The following CNTN5 variants were observed in gnomAD, a reference collection of about 807,000 sequenced individuals.
CNTN5 encodes the protein contactin 5.
Under a neutral mutation model 129.1 loss-of-function variants are expected in CNTN5, and 77 were observed. That is an observed-to-expected ratio of 0.60 (90% confidence interval 0.50 to 0.72). The LOEUF (loss-of-function observed/expected upper bound fraction) is 0.72. Among genes scored for constraint, CNTN5 ranks in the 30% least tolerant of loss-of-function variants. The pLI is 0.00. For missense variants in CNTN5, 1,478 were observed against 1,328.8 expected, an observed-to-expected ratio of 1.11 and a Z score of -1.75; for synonymous variants, 509 against 465.6, an observed-to-expected ratio of 1.09 and a Z score of -1.20.
intron 9 of CNTN5, among the ~76,000 whole-genome samples, chr11:100,051,461 C>A (rs1385151685): frequency 1.3e-5 from 2 of 151,774 alleles, no homozygotes; most frequent in Non-Finnish European, 2.9e-5. Flanking sequence ...AATGAAAACA[C>A]AACATGTGTG....
chr11:99,110,006 C>A (rs1476287102), intron 1 of CNTN5, among the ~76,000 whole-genome samples: 1 of 152,058 alleles, frequency 6.6e-6, no homozygotes, highest in Non-Finnish European at 1.5e-5. Flanking sequence ...CCTGTCATCT[C>A]AGAATTCATA....
chr11:100,299,442 T>C, intron 20 of CNTN5, 46 bp downstream of exon 20: 2 of 1,257,692 alleles, frequency 1.6e-6, no homozygotes, highest in Non-Finnish European at 2.2e-6. Flanking sequence ...TTTTACTTTG[T>C]TATACAAATA....
chr11:99,803,805 C>T (rs370331728), intron 3 of CNTN5, among the ~76,000 whole-genome samples: 13 of 152,194 alleles, frequency 8.5e-5, no homozygotes, highest in East Asian at 1.9e-4. Context: ...AGCTACGTCC[C>T]GTTACAGTGC....
rs1944483555 is a variant in CNTN5 at position 99,758,744 on chromosome 11, G to T, written c.56-60800G>T. ...TATATTGGGGAAAGAACAGAAGACA[G>T]GATAAGGAATTTTGAGGAAGAGGAA... On this transcript the variant is annotated intron_variant, in intron 3 of 24. Coordinates refer to ENST00000524871, the MANE Select transcript of CNTN5 (RefSeq NM_014361.4). Among the ~76,000 whole-genome samples the T allele has an allele frequency of 1.3e-5, 2 of 152,050 alleles. 1 individual carries two copies. Among genetic ancestry groups the T allele is most frequent in the Non-Finnish European group, 2.9e-5 (2 of 67,924 alleles).
intron 15 of CNTN5, among the ~76,000 whole-genome samples, chr11:100,223,294 A>G (rs779608915): frequency 2.0e-5 from 3 of 152,156 alleles, no homozygotes; most frequent in Non-Finnish European, 2.9e-5. Context: ...TCAGATTATA[A>G]GACTAACAGG....
At chr11:99,557,613 T>A (rs1262736976) in intron 3 of CNTN5, among the ~76,000 whole-genome samples, 1 of 151,576 alleles carries the variant, frequency 6.6e-6, no homozygotes, top group Non-Finnish European at 1.5e-5. Context: ...CTATATTTTT[T>A]AAATTATAAT....
intron 3 of CNTN5, among the ~76,000 whole-genome samples, chr11:99,672,449 TC>T (rs1432538976): frequency 6.6e-6 from 1 of 151,828 alleles, no homozygotes; most frequent in Non-Finnish European, 1.5e-5. Context: ...GCTTTAGCAA[TC>T]CCCTTAGAGA....
At chr11:99,463,524 T>C (rs1305583186) in intron 2 of CNTN5, among the ~76,000 whole-genome samples, 1 of 149,966 alleles carries the variant, frequency 6.7e-6, no homozygotes, top group Non-Finnish European at 1.5e-5. Context: ...ACTTAAAAAA[T>C]GTCTGCTATT....
intron 7 of CNTN5, among the ~76,000 whole-genome samples, chr11:99,924,206 T>G (rs1295384707): frequency 6.6e-6 from 1 of 152,242 alleles, no homozygotes; most frequent in Non-Finnish European, 1.5e-5. Flanking sequence ...CATTTTTACA[T>G]GGTTGCTGGC....
chr11:99,454,207 A>C (rs1409203567), intron 2 of CNTN5, among the ~76,000 whole-genome samples: 4 of 152,206 alleles, frequency 2.6e-5, no homozygotes, highest in Non-Finnish European at 5.9e-5. Flanking sequence ...GGAGAAAAAC[A>C]AAAGTTGAAT....
chr11:99,679,825 C>T (rs1239382907), intron 3 of CNTN5, among the ~76,000 whole-genome samples: 1 of 152,316 alleles, frequency 6.6e-6, no homozygotes, highest in Non-Finnish European at 1.5e-5. Context: ...TGCATCAAAC[C>T]TTAGCCAGGC....
intron 8 of CNTN5, among the ~76,000 whole-genome samples, chr11:99,986,238 T>C (rs1354009687): frequency 6.6e-6 from 1 of 152,140 alleles, no homozygotes; most frequent in African/African-American, 2.4e-5. Context: ...CATCAATCTC[T>C]TGATCATGTA....
chr11:99,173,513 C>T (rs1313836596), intron 1 of CNTN5, among the ~76,000 whole-genome samples: 1 of 152,172 alleles, frequency 6.6e-6, no homozygotes, highest in Non-Finnish European at 1.5e-5. Context: ...TGATAAATAT[C>T]AAATTCATAC....
chr11:99,134,834 T>A (rs184093735), intron 1 of CNTN5, among the ~76,000 whole-genome samples: 157 of 152,324 alleles, frequency 1.0e-3, no homozygotes, highest in African/African-American at 3.6e-3. Flanking sequence ...TCTAATGACA[T>A]GTGAATGATT....
chr11:100,000,664 C>A (rs1939802105), intron 8 of CNTN5, among the ~76,000 whole-genome samples: 1 of 152,174 alleles, frequency 6.6e-6, no homozygotes, highest in Admixed American at 6.5e-5. Flanking sequence ...AGGCTCCAAC[C>A]CCGCCATTCC....
At chr11:99,313,871 C>T (rs10501905) in intron 1 of CNTN5, among the ~76,000 whole-genome samples, 13,686 of 151,894 alleles carry the variant, frequency 0.09, 644 homozygotes, top group South Asian at 0.13. Context: ...CATCCTTAGT[C>T]GTATCGTAGA....
chr11:99,214,417 T>C (rs1455630171), intron 1 of CNTN5, among the ~76,000 whole-genome samples: 1 of 147,938 alleles, frequency 6.8e-6, no homozygotes, highest in Non-Finnish European at 1.5e-5. Context: ...ATATATATAA[T>C]GTTCTAAAGC....
chr11:100,145,427 C>G (rs7115626), intron 13 of CNTN5, among the ~76,000 whole-genome samples: 104,293 of 151,924 alleles, frequency 0.69, 37,451 homozygotes, highest in African/African-American at 0.9. Context: ...AATGATGATG[C>G]GTTTAAATTT....
chr11:99,233,484 C>T lies in CNTN5; in HGVS notation c.-209-91862C>T, dbSNP rs1018850756. 5.3e-5 allele frequency among the ~76,000 whole-genome samples: 8 copies of T among 152,102 alleles called. 1 individual carries two copies. In the South Asian group the frequency reaches 6.2e-4, roughly 12 times the overall value. Reference sequence around the variant, plus strand: ...AATTGTAGAATGATGTTTCAGATATCGTCAAATAATAATATTCTTTGTTTA... The same window carrying T: ...AATTGTAGAATGATGTTTCAGATATTGTCAAATAATAATATTCTTTGTTTA... On this transcript the variant is annotated intron_variant, in intron 1 of 24. Coordinates refer to ENST00000524871, the MANE Select transcript of CNTN5 (RefSeq NM_014361.4).
Sources: allele counts gnomAD v4.1 joint callset (sites outside exome capture counted in the v4.1 genomes callset), GRCh38; gene constraint gnomAD v4.1.1; transcripts MANE v1.5; gene names NCBI Gene and HGNC (gene_info 2026-07-23, HGNC 2026-07-21).